CAMTA1: variants seen among roughly 807,000 people sequenced by gnomAD.
CAMTA1 encodes calmodulin-binding transcription activator 1.
In CAMTA1, 27 loss-of-function variants were observed where a neutral mutation model predicts 170.9. The observed-to-expected ratio is 0.16, with a 90% confidence interval of 0.12 to 0.22. The LOEUF is 0.22. Ranked by LOEUF, CAMTA1 falls within the 10% of genes least tolerant of loss-of-function variation. The probability of loss-of-function intolerance (pLI) is 1.00; values close to 1 mark genes in which losing one functional copy is unlikely to be tolerated. For synonymous variants in CAMTA1, 833 were observed against 891.5 expected (o/e 0.93, Z 1.17); for missense variants, 1,619 against 2,217.2 (o/e 0.73, Z 5.42).
chr1:7,145,264 G>A (rs1011871080), intron 4 of CAMTA1, among the ~76,000 whole-genome samples: 20 of 152,242 alleles, frequency 1.3e-4, no homozygotes, highest in African/African-American at 4.8e-4. Flanking sequence ...TGCGGCTTAT[G>A]TGGGATTCCA....
intron 11 of CAMTA1, among the ~76,000 whole-genome samples, chr1:7,690,088 G>A (rs924815273): frequency 2.4e-4 from 36 of 152,194 alleles, no homozygotes; most frequent in Admixed American, 2.0e-3. Flanking sequence ...ACTTGAACCC[G>A]GGAAGCAGAG....
intron 3 of CAMTA1, among the ~76,000 whole-genome samples, chr1:6,863,425 G>C (rs967728795): frequency 2.6e-5 from 4 of 152,100 alleles, no homozygotes; most frequent in African/African-American, 9.7e-5. Flanking sequence ...ATGGCTCCTA[G>C]GTTTGTTTCA....
chr1:7,154,867 G>A (rs1301601666), intron 4 of CAMTA1, among the ~76,000 whole-genome samples: 1 of 152,220 alleles, frequency 6.6e-6, no homozygotes, highest in Non-Finnish European at 1.5e-5. Flanking sequence ...TGGTTTGGCT[G>A]TGGGGAGAGC....
intron 6 of CAMTA1, among the ~76,000 whole-genome samples, chr1:7,524,559 G>A (rs1040875788): frequency 6.6e-6 from 1 of 152,130 alleles, no homozygotes; most frequent in Admixed American, 6.5e-5. Flanking sequence ...TTCCTCATCT[G>A]TGGAAGAGCA....
rs1673452879 is a variant in CAMTA1 at position 6,887,083 on chromosome 1, C to T, written c.234+61873C>T. Among the ~76,000 whole-genome samples the T allele has an allele frequency of 6.6e-6, 1 of 152,132 alleles. No homozygotes were observed. The highest frequency in any genetic ancestry group is 2.4e-5 in the African/African-American group (1 of 41,424). On this transcript the variant is annotated intron_variant, in intron 3 of 22. Transcript: ENST00000303635. This position sits in a 1 kb window ranked among gnomAD's most constrained non-coding sequence, Gnocchi z 4.1. Reference sequence around the variant, plus strand: ...TAAGCAGAGAGTCTCTAGCAGGGAGCCTCTGCAAGCATTGTGTTCTGTTGT... The same window carrying T: ...TAAGCAGAGAGTCTCTAGCAGGGAGTCTCTGCAAGCATTGTGTTCTGTTGT...
At chr1:7,646,339 GAGTTGGGTGGAGGCCCTGGTA>G (rs2095804170) in intron 7 of CAMTA1, among the ~76,000 whole-genome samples, 1 of 149,944 alleles carries the variant, frequency 6.7e-6, no homozygotes, top group African/African-American at 2.5e-5. Flanking sequence ...AGGCCACGGT[GAGTTGGGTGGAGGCCCTGGTA>G]AGTTGGATGG....
chr1:7,467,407 T>A (rs115715378), intron 5 of CAMTA1, among the ~76,000 whole-genome samples: 1 of 152,220 alleles, frequency 6.6e-6, no homozygotes, highest in Non-Finnish European at 1.5e-5. Flanking sequence ...AGCATGTATG[T>A]TTCATGTGTT....
chr1:7,131,021 T>C (rs1457129428), intron 4 of CAMTA1, among the ~76,000 whole-genome samples: 1 of 151,984 alleles, frequency 6.6e-6, no homozygotes, highest in Non-Finnish European at 1.5e-5. Context: ...TGGCACGATC[T>C]CGGCTCACTG....
intron 11 of CAMTA1, among the ~76,000 whole-genome samples, chr1:7,686,678 A>G (rs1366667486): frequency 1.3e-5 from 2 of 152,110 alleles, no homozygotes; most frequent in African/African-American, 4.8e-5. Context: ...TGCCACGTGG[A>G]GAATGAATTG....
chr1:7,730,298 C>T (rs1426178576), intron 11 of CAMTA1, among the ~76,000 whole-genome samples: 1 of 152,188 alleles, frequency 6.6e-6, no homozygotes, highest in African/African-American at 2.4e-5. Context: ...TCTATCGTCT[C>T]CTGCGTCTCC....
rs560105854 is a variant in CAMTA1, at chr1:6,898,397, GA to G, written c.234+73193del. Among the ~76,000 whole-genome samples the G allele has an allele frequency of 2.0e-3, 297 of 152,104 alleles. 1 individual carries two copies. Among genetic ancestry groups the G allele is most frequent in the African/African-American group, 6.7e-3 (278 of 41,496 alleles). ...TGAAACCCCGTCTCTACTAAAAATA[GA>G]AAAAATTAGCTGGGCATGGTGGCGG... On this transcript the variant is annotated intron_variant, in intron 3 of 22. Transcript: ENST00000303635.
At chr1:7,717,901 G>A (rs2096622818) in intron 11 of CAMTA1, among the ~76,000 whole-genome samples, 1 of 152,202 alleles carries the variant, frequency 6.6e-6, no homozygotes, top group South Asian at 2.1e-4. Flanking sequence ...TTCACGTTGT[G>A]TATTTCCGAT....
chr1:7,586,596 C>T (rs982001341), intron 6 of CAMTA1, among the ~76,000 whole-genome samples: 2 of 152,132 alleles, frequency 1.3e-5, no homozygotes, highest in Non-Finnish European at 2.9e-5. Flanking sequence ...CTCCCTCCTG[C>T]CCCAGCACTC....
At chr1:6,988,714 C>T (rs1282342502) in intron 3 of CAMTA1, among the ~76,000 whole-genome samples, 3 of 152,124 alleles carry the variant, frequency 2.0e-5, no homozygotes, top group East Asian at 1.9e-4. Flanking sequence ...CGGGTTGGGC[C>T]GCATGTGGAT....
At chr1:7,353,543 G>A (rs2084861722) in intron 5 of CAMTA1, among the ~76,000 whole-genome samples, 1 of 150,266 alleles carries the variant, frequency 6.7e-6, no homozygotes, top group South Asian at 2.1e-4. Flanking sequence ...TCCTGCCTTA[G>A]CCTCCCGAGT....
rs146986715 is a variant in CAMTA1 at position 7,708,268 on chromosome 1, T to A, written c.2915-24180T>A. Among the ~76,000 whole-genome samples, 977 of 151,708 alleles carry A rather than the reference T, an allele frequency of 6.4e-3. 8 individuals are homozygous for A. Among genetic ancestry groups the A allele is most frequent in the African/African-American group, 0.021 (879 of 41,310 alleles). Reference sequence around the variant, plus strand: ...ATCGCCTGAGCCTGGTAGGTGGAGGTTGCAGTGAGCTGTGATTGTGCCATT... The same window carrying A: ...ATCGCCTGAGCCTGGTAGGTGGAGGATGCAGTGAGCTGTGATTGTGCCATT... On this transcript the variant is annotated intron_variant, in intron 11 of 22. Coordinates refer to ENST00000303635, the MANE Select transcript of CAMTA1 (RefSeq NM_015215.4).
intron 11 of CAMTA1, among the ~76,000 whole-genome samples, chr1:7,710,546 A>G (rs550537143): frequency 1.4e-5 from 2 of 146,498 alleles, no homozygotes; most frequent in African/African-American, 5.0e-5. Context: ...GCTGCGGGTG[A>G]GCCACGATTA....
At chr1:6,928,079 C>T (rs1338080000) in intron 3 of CAMTA1, among the ~76,000 whole-genome samples, 5 of 152,172 alleles carry the variant, frequency 3.3e-5, no homozygotes, top group African/African-American at 1.2e-4. Context: ...GGGCATCAGC[C>T]TCAGGACCCA....
At chr1:7,118,975 T>C (rs1644494210) in intron 4 of CAMTA1, among the ~76,000 whole-genome samples, 1 of 152,044 alleles carries the variant, frequency 6.6e-6, no homozygotes, top group Admixed American at 6.5e-5. Flanking sequence ...ATGAACAGAG[T>C]TTATCTTTGT....
Sources: gnomAD v4.1 joint callset for allele counts (sites outside exome capture counted in the v4.1 genomes callset) on GRCh38, gnomAD v4.1.1 for gene constraint, Gnocchi (gnomAD v3.1) non-coding constraint, MANE v1.5 for transcripts, NCBI Gene and HGNC (gene_info 2026-07-23, HGNC 2026-07-21) for gene names.